Variants in TAF4B observed in about 807,000 individuals in gnomAD.
The protein encoded by TAF4B is TATA-box binding protein associated factor 4b.
In TAF4B, 38 loss-of-function variants were observed where a neutral mutation model predicts 86.4. That is an observed-to-expected ratio of 0.44 (90% CI 0.34 to 0.58). The LOEUF is 0.58. TAF4B is among the 20% of genes least tolerant of loss of function. TAF4B has a pLI of 0.02. For synonymous variants in TAF4B, 388 were observed against 391.2 expected, an observed-to-expected ratio of 0.99 and a Z score of 0.10; for missense variants, 988 against 1,027.6, an observed-to-expected ratio of 0.96 and a Z score of 0.53.
intron 3 of TAF4B, among the ~76,000 whole-genome samples, chr18:26,268,674 C>A (rs1396226593): frequency 6.6e-6 from 1 of 152,110 alleles, no homozygotes; most frequent in African/African-American, 2.4e-5. Context: ...GCCTCCATTG[C>A]GTAATAGCAA....
At chr18:26,236,848 A>T (rs2055755528) in intron 1 of TAF4B, among the ~76,000 whole-genome samples, 1 of 152,148 alleles carries the variant, frequency 6.6e-6, no homozygotes, top group African/African-American at 2.4e-5. Context: ...GCTCACTTTT[A>T]GAGCTTTCTC....
At chr18:26,239,184 G>A (rs548466094) in intron 1 of TAF4B, among the ~76,000 whole-genome samples, 1 of 152,322 alleles carries the variant, frequency 6.6e-6, no homozygotes, top group Non-Finnish European at 1.5e-5. Context: ...CACAATGGTT[G>A]AACTAGTTTG....
intron 12 of TAF4B, among the ~76,000 whole-genome samples, chr18:26,329,243 G>T (rs1045366140): frequency 6.6e-6 from 1 of 151,920 alleles, no homozygotes; most frequent in Non-Finnish European, 1.5e-5. Flanking sequence ...TTTTTGTAGA[G>T]ACAGGATCTC....
At chr18:26,297,287 ATGAAATCCTCTTC>A (rs1401245210) in intron 9 of TAF4B, among the ~76,000 whole-genome samples, 1 of 152,194 alleles carries the variant, frequency 6.6e-6, no homozygotes, top group African/African-American at 2.4e-5. Context: ...GAGACATGAC[ATGAAATCCTCTTC>A]GAGAAAATTC....
chr18:26,254,858 G>C (rs1374714720), intron 1 of TAF4B, among the ~76,000 whole-genome samples: 1 of 152,164 alleles, frequency 6.6e-6, no homozygotes, highest in East Asian at 1.9e-4. Context: ...TGTATATTTA[G>C]AAATTACTTT....
chr18:26,354,901 C>T (rs1258676371), intron 13 of TAF4B, among the ~76,000 whole-genome samples: 1 of 152,120 alleles, frequency 6.6e-6, no homozygotes, highest in Non-Finnish European at 1.5e-5. Flanking sequence ...ATTTTTCTTT[C>T]CATATAAACT....
At chr18:26,293,216 A>G (rs1436236912) in intron 8 of TAF4B, among the ~76,000 whole-genome samples, 1 of 152,212 alleles carries the variant, frequency 6.6e-6, no homozygotes, top group African/African-American at 2.4e-5. Flanking sequence ...TAGACTATCT[A>G]AAAAGAAATG....
At chr18:26,241,232 T>C (rs1260836374) in intron 1 of TAF4B, among the ~76,000 whole-genome samples, 1 of 152,220 alleles carries the variant, frequency 6.6e-6, no homozygotes, top group Non-Finnish European at 1.5e-5. Flanking sequence ...TTTTGGTTGG[T>C]AGGCTATTAA....
rs556049279 is a variant in TAF4B, at chr18:26,350,180, G to A, written c.2317-7510G>A. Among the ~76,000 whole-genome samples, 85 of 152,168 alleles carry A rather than the reference G, an allele frequency of 5.6e-4. 2 individuals are homozygous for A. Among genetic ancestry groups the A allele is most frequent in the African/African-American group, 1.8e-3 (75 of 41,506 alleles). On this transcript the variant is annotated intron_variant, in intron 13 of 14. Coordinates refer to ENST00000269142, the MANE Select transcript of TAF4B (RefSeq NM_005640.3). Reference sequence around the variant, plus strand: ...ATTTTATGAATAAGACGTCAAAAGCGCCTGTAACAAAAGCAAAAATAAATG... The same window carrying A: ...ATTTTATGAATAAGACGTCAAAAGCACCTGTAACAAAAGCAAAAATAAATG...
At chr18:26,315,134 C>G (rs867639899) in intron 9 of TAF4B, 95 bp from the exon 10 acceptor site, 26,946 of 297,704 alleles carry the variant, frequency 0.091, 281 homozygotes, top group Non-Finnish European at 0.11. Context: ...CTCTCTCTCT[C>G]TCTCTCTCTC....
chr18:26,247,838 T>C (rs1172484359), intron 1 of TAF4B, among the ~76,000 whole-genome samples: 4 of 152,074 alleles, frequency 2.6e-5, no homozygotes, highest in Non-Finnish European at 4.4e-5. Flanking sequence ...ATCGTGCCAC[T>C]GCACTCCAGC....
chr18:26,240,382 G>T (rs2055818504), intron 1 of TAF4B, among the ~76,000 whole-genome samples: 2 of 152,278 alleles, frequency 1.3e-5, no homozygotes, highest in Middle Eastern at 6.8e-3. Context: ...TTGGCTCTCT[G>T]TTTGTCTGTT....
intron 1 of TAF4B, among the ~76,000 whole-genome samples, chr18:26,234,989 C>T (rs1224076243): frequency 1.3e-5 from 2 of 152,158 alleles, no homozygotes; most frequent in South Asian, 4.1e-4. Flanking sequence ...ACAGTGAGGC[C>T]AGTCTTTTAC....
At chr18:26,272,690 A>G (rs949630586) in intron 3 of TAF4B, among the ~76,000 whole-genome samples, 8 of 152,154 alleles carry the variant, frequency 5.3e-5, no homozygotes, top group Admixed American at 2.6e-4. Flanking sequence ...TCCAGATTAC[A>G]CTTTCTTAAA....
rs140976726 is a variant in TAF4B at position 26,273,359 on chromosome 18, C to T, written c.598-1304C>T. On this transcript the variant is annotated intron_variant, in intron 3 of 14. Coordinates refer to ENST00000269142, the MANE Select transcript of TAF4B (RefSeq NM_005640.3). ...TATGGTATTTAATATTTTTATTATG[C>T]ATTATGAAATATACATGCAAACAAG... Among the ~76,000 whole-genome samples, 19 of 152,024 alleles carry T rather than the reference C, an allele frequency of 1.2e-4. No homozygotes were observed. The South Asian group carries it at 3.9e-3, about 32-fold the overall frequency.
In TAF4B at chr18:26,244,240, C is replaced by T. The variant is rs532744812; in HGVS notation, c.343+16964C>T. Among the ~76,000 whole-genome samples, 10 of 152,328 alleles carry T rather than the reference C, an allele frequency of 6.6e-5. 1 individual carries two copies. Among genetic ancestry groups the T allele is most frequent in the African/African-American group, 9.6e-5 (4 of 41,586 alleles). ...TGGGCTCCACCCAGTTCAAGCTCCC[C>T]GCCACTTTGTTTACCTATTCAAGCC... On this transcript the variant is annotated intron_variant, in intron 1 of 14. Coordinates refer to ENST00000269142, the MANE Select transcript of TAF4B (RefSeq NM_005640.3).
intron 12 of TAF4B, among the ~76,000 whole-genome samples, chr18:26,329,413 C>T (rs2057033898): frequency 6.6e-6 from 1 of 152,182 alleles, no homozygotes. Flanking sequence ...TTCCACCACT[C>T]CTGAACATTT....
At chr18:26,267,287 G>T in intron 2 of TAF4B, 1 of 367,264 alleles carries the variant, frequency 2.7e-6, no homozygotes, top group Non-Finnish European at 4.9e-6. Flanking sequence ...TCAGATAAAT[G>T]GGTTATTTAT....
chr18:26,258,021 C>T (rs570693737), intron 1 of TAF4B, among the ~76,000 whole-genome samples: 1 of 151,864 alleles, frequency 6.6e-6, no homozygotes, highest in Non-Finnish European at 1.5e-5. Flanking sequence ...TTTGGGAGGC[C>T]GAGGCAGGCA....
Sources: gnomAD v4.1 joint callset for allele counts (sites outside exome capture counted in the v4.1 genomes callset) on GRCh38, gnomAD v4.1.1 for gene constraint, MANE v1.5 for transcripts, NCBI Gene and HGNC (gene_info 2026-07-23, HGNC 2026-07-21) for gene names.